SOX5: variants seen among roughly 807,000 people sequenced by gnomAD.
SOX5 encodes SRY-box transcription factor 5.
In SOX5, 9 loss-of-function variants were observed where a neutral mutation model predicts 92.0. The ratio of observed to expected loss-of-function variants is 0.10; its 90% CI spans 0.06 to 0.17. SOX5 has a LOEUF of 0.17. SOX5 is among the 10% of genes least tolerant of loss of function. SOX5 has a pLI of 1.00. For missense variants in SOX5, 642 were observed against 944.5 expected (o/e 0.68, Z 4.20); for synonymous variants, 344 against 336.3 (o/e 1.02, Z -0.25).
chr12:23,538,052 A>C (rs1038751600), intron 13 of SOX5, among the ~76,000 whole-genome samples: 3 of 152,146 alleles, frequency 2.0e-5, no homozygotes, highest in Non-Finnish European at 2.9e-5. Flanking sequence ...GATAAACTGG[A>C]ACTAGGATAT....
intron 13 of SOX5, among the ~76,000 whole-genome samples, chr12:23,541,397 A>C (rs764280888): frequency 1.3e-5 from 2 of 152,216 alleles, no homozygotes; most frequent in Non-Finnish European, 2.9e-5. Context: ...TTTGGGAATA[A>C]CTGATATATT....
chr12:23,591,773 A>G (rs140711276), intron 9 of SOX5, among the ~76,000 whole-genome samples: 29 of 152,280 alleles, frequency 1.9e-4, no homozygotes, highest in Middle Eastern at 3.4e-3. Context: ...AGAAAACACA[A>G]ATCTGTACCT....
intron 4 of SOX5, among the ~76,000 whole-genome samples, chr12:24,155,573 C>T (rs1401716782): frequency 6.6e-6 from 1 of 152,138 alleles, no homozygotes; most frequent in Non-Finnish European, 1.5e-5. Context: ...CACATGGTGG[C>T]CTTCCTGCAG....
At chr12:24,104,632 T>C (rs761992954) in intron 4 of SOX5, among the ~76,000 whole-genome samples, 5 of 152,234 alleles carry the variant, frequency 3.3e-5, no homozygotes, top group Non-Finnish European at 7.3e-5. Flanking sequence ...GATGGCAATA[T>C]CTACTATTCT....
chr12:24,222,580 A>G (rs901324240), intron 3 of SOX5, among the ~76,000 whole-genome samples: 3 of 152,158 alleles, frequency 2.0e-5, no homozygotes, highest in Non-Finnish European at 2.9e-5. Flanking sequence ...GTTACAAACT[A>G]CCATGTAAAA....
At chr12:23,752,431 A>G (rs1241369787) in intron 4 of SOX5, among the ~76,000 whole-genome samples, 1 of 151,914 alleles carries the variant, frequency 6.6e-6, no homozygotes, top group African/African-American at 2.4e-5. Context: ...ACAAATAAAC[A>G]TTAAGTCAGC....
intron 4 of SOX5, among the ~76,000 whole-genome samples, chr12:24,048,798 C>A (rs1957281395): frequency 6.6e-6 from 1 of 152,064 alleles, no homozygotes; most frequent in Non-Finnish European, 1.5e-5. Flanking sequence ...TTTGAAATAT[C>A]CCAAATAGAC....
At chr12:23,950,426 C>T (rs1271566303), upstream of SOX5, among the ~76,000 whole-genome samples, 1 of 152,190 alleles carries the variant, frequency 6.6e-6, no homozygotes, top group African/African-American at 2.4e-5. Flanking sequence ...GTGCTTTCCG[C>T]AAAGTGGTGC....
At chr12:24,150,642 G>C (rs1951563697) in intron 4 of SOX5, among the ~76,000 whole-genome samples, 1 of 152,036 alleles carries the variant, frequency 6.6e-6, no homozygotes, top group East Asian at 1.9e-4. Context: ...ATATAAAGGA[G>C]CTTAAGATAG....
At chr12:24,510,137 C>G (rs1262843051) in intron 1 of SOX5, among the ~76,000 whole-genome samples, 1 of 152,126 alleles carries the variant, frequency 6.6e-6, no homozygotes, top group Admixed American at 6.5e-5. Context: ...TTAAATTAAT[C>G]TCACAATCAG....
intron 1 of SOX5, among the ~76,000 whole-genome samples, chr12:24,389,935 T>C (rs57322195): frequency 0.13 from 19,479 of 152,212 alleles, 1,397 homozygotes; most frequent in Non-Finnish European, 0.17. Context: ...AGTGGTATCT[T>C]ACTGAGGTCT....
At chr12:24,460,523 T>G (rs1943507051) in intron 1 of SOX5, 1 of 152,202 alleles carries the variant, frequency 6.6e-6, no homozygotes, top group Non-Finnish European at 1.5e-5. Context: ...GTGAGCAACT[T>G]AAAGACAGAC....
At chr12:23,611,392 G>GTA (rs1371358738) in intron 8 of SOX5, among the ~76,000 whole-genome samples, 19 of 143,794 alleles carry the variant, frequency 1.3e-4, no homozygotes, top group East Asian at 8.2e-4. Context: ...GTGTGTGTGT[G>GTA]TGTATTTATA....
At chr12:23,802,920 T>C (rs2095690284) in intron 3 of SOX5, among the ~76,000 whole-genome samples, 1 of 152,164 alleles carries the variant, frequency 6.6e-6, no homozygotes, top group Non-Finnish European at 1.5e-5. Context: ...GAATATTAAA[T>C]TGTTAAGCAT....
intron 3 of SOX5, among the ~76,000 whole-genome samples, chr12:23,844,192 A>C (rs1441314557): frequency 2.0e-5 from 3 of 152,200 alleles, no homozygotes; most frequent in Non-Finnish European, 4.4e-5. Flanking sequence ...TGCGTGGCTG[A>C]CTGGGAGCTA....
intron 3 of SOX5, among the ~76,000 whole-genome samples, chr12:23,784,536 C>A (rs373607125): frequency 1.3e-5 from 2 of 152,218 alleles, no homozygotes; most frequent in African/African-American, 4.8e-5. Context: ...CCGTGTTAGC[C>A]AGGATGGTCT....
At chr12:23,953,664 G>A (rs1012324758), upstream of SOX5, among the ~76,000 whole-genome samples, 2 of 152,026 alleles carry the variant, frequency 1.3e-5, no homozygotes, top group South Asian at 4.2e-4. Flanking sequence ...GATGTAGTGA[G>A]AAAAGTTAAA....
intron 1 of SOX5, among the ~76,000 whole-genome samples, chr12:24,464,785 C>T (rs1944044661): frequency 6.6e-6 from 1 of 152,202 alleles, no homozygotes; most frequent in Non-Finnish European, 1.5e-5. Flanking sequence ...GAGTTTAAAT[C>T]ATTTGTCCAA....
At position 24,514,643 on chromosome 12, in the gene SOX5, G is replaced by C. The variant is rs1202335085; in HGVS notation, c.-251+47686C>G. On this transcript the variant is annotated intron_variant, in intron 1 of 4. Coordinates refer to the SOX5 transcript ENST00000446891. ...GCACTATTCACAATAACAAAGACAT[G>C]GAATCAACCTAAATGCCCACCAGCG... is the stretch of plus-strand genomic sequence containing the variant. 5.9e-5 allele frequency among the ~76,000 whole-genome samples: 9 copies of C among 152,124 alleles called. No individual in the cohort carries two copies. In the East Asian group the frequency reaches 1.7e-3, roughly 29 times the overall value.
Sources: gnomAD v4.1 joint callset for allele counts (sites outside exome capture counted in the v4.1 genomes callset) on GRCh38, gnomAD v4.1.1 for gene constraint, MANE v1.5 for transcripts, NCBI Gene and HGNC (gene_info 2026-07-23, HGNC 2026-07-21) for gene names.